Variants in RRAS2 observed in about 807,000 individuals in gnomAD.
RRAS2 encodes the protein ras-related protein R-Ras2.
Under a neutral mutation model 27.6 loss-of-function variants are expected in RRAS2, and 7 were observed. That is an observed-to-expected ratio of 0.25 (90% CI 0.14 to 0.48). The LOEUF (loss-of-function observed/expected upper bound fraction) is 0.48, where lower values mean the gene tolerates loss of function less well. Ranked by LOEUF, RRAS2 falls within the 20% of genes least tolerant of loss-of-function variation. RRAS2 has a pLI of 0.99. For synonymous variants in RRAS2, 86 were observed against 90.9 expected, an observed-to-expected ratio of 0.95 and a Z score of 0.31; for missense variants, 178 against 256.2, an observed-to-expected ratio of 0.69 and a Z score of 2.08.
intron 1 of RRAS2, among the ~76,000 whole-genome samples, chr11:14,310,073 A>G (rs1207349571): frequency 6.6e-6 from 1 of 152,194 alleles, no homozygotes; most frequent in African/African-American, 2.4e-5. Flanking sequence ...CTTCCAAAGG[A>G]GGGCCAACAG....
chr11:14,327,401 C>A (rs1385373911), intron 1 of RRAS2, among the ~76,000 whole-genome samples: 2 of 152,122 alleles, frequency 1.3e-5, no homozygotes, highest in Non-Finnish European at 2.9e-5. Context: ...GGGAAAAAAT[C>A]TTTCTACTTA....
In RRAS2 at chr11:14,295,748, A is replaced by G. The variant is rs782656684; in HGVS notation, c.196+20T>C. 5 of 1,568,768 alleles carry G rather than the reference A, an allele frequency of 3.2e-6. No homozygotes were observed. The highest frequency in any genetic ancestry group is 1.9e-5 in the Admixed American group (1 of 53,946). On this transcript the variant is annotated intron_variant, in intron 2 of 5. Coordinates refer to ENST00000256196, the MANE Select transcript of RRAS2 (RefSeq NM_012250.6). ...AAAAAATATGATATGCAAATTATCA[A>G]ACAAAGGAAGTTTACTTACTATCTA... is the stretch of plus-strand genomic sequence containing the variant.
At chr11:14,281,505 A>T in intron 5 of RRAS2, 97 bp downstream of exon 5, 1 of 904,454 alleles carries the variant, frequency 1.1e-6, no homozygotes, top group Non-Finnish European at 1.6e-6. Flanking sequence ...CATGTGCATT[A>T]ATCCCTAGAA....
intron 2 of RRAS2, 21 bp from the exon 3 acceptor site, chr11:14,294,883 G>A (rs1554946369): frequency 6.3e-7 from 1 of 1,599,460 alleles, no homozygotes; most frequent in Admixed American, 1.7e-5. Context: ...AACAACAAAT[G>A]TAATTATACT....
chr11:14,308,818 T>C (rs1000600461), intron 1 of RRAS2, among the ~76,000 whole-genome samples: 1 of 152,196 alleles, frequency 6.6e-6, no homozygotes, highest in Non-Finnish European at 1.5e-5. Context: ...CTTCAGGTGC[T>C]ATGAAGTAAA....
At chr11:14,320,197 A>G (rs1203696549) in intron 1 of RRAS2, among the ~76,000 whole-genome samples, 5 of 152,206 alleles carry the variant, frequency 3.3e-5, no homozygotes, top group Non-Finnish European at 2.9e-5. Context: ...GTTCTAATGC[A>G]CGGTGCTGAT....
At position 14,318,503 on chromosome 11, in the gene RRAS2, AAAAC is replaced by A. The variant is rs1245685565; in HGVS notation, c.109-22652_109-22649del. Among the ~76,000 whole-genome samples, 26 of 152,148 alleles carry A rather than the reference AAAAC, an allele frequency of 1.7e-4. 1 individual carries two copies. In the South Asian group the frequency reaches 2.7e-3, roughly 16 times the overall value. On this transcript the variant is annotated intron_variant, in intron 1 of 5. Transcript: ENST00000256196. ...GGGTGACAGAGAGAGAATCTGTCTC[AAAAC>A]AAACAAACAAACAAAAAAAAAAACC...
chr11:14,323,123 T>C (rs1218274043), intron 1 of RRAS2, among the ~76,000 whole-genome samples: 2 of 152,054 alleles, frequency 1.3e-5, no homozygotes, highest in African/African-American at 4.8e-5. Context: ...GACATACGCC[T>C]AGAAAAATAC....
intron 4 of RRAS2, among the ~76,000 whole-genome samples, chr11:14,282,225 A>G (rs550028973): frequency 6.6e-6 from 1 of 152,344 alleles, no homozygotes; most frequent in African/African-American, 2.4e-5. Context: ...GGAATACATT[A>G]AGCAAAGAGA....
intron 1 of RRAS2, among the ~76,000 whole-genome samples, chr11:14,336,461 C>G (rs1441369482): frequency 1.3e-5 from 2 of 151,844 alleles, no homozygotes; most frequent in African/African-American, 2.4e-5. Flanking sequence ...AAGGCAGTCT[C>G]CATAAAAATG....
intron 1 of RRAS2, among the ~76,000 whole-genome samples, chr11:14,315,640 G>A (rs868953937): frequency 1.8e-4 from 27 of 152,200 alleles, no homozygotes; most frequent in South Asian, 2.1e-4. Context: ...TGTACCATAC[G>A]TGTTAACAAT....
At chr11:14,318,871 T>C (rs1333869361) in intron 1 of RRAS2, among the ~76,000 whole-genome samples, 24 of 152,258 alleles carry the variant, frequency 1.6e-4, no homozygotes, top group Admixed American at 1.3e-3. Context: ...CATATCTGTA[T>C]ACTTTGACTC....
At chr11:14,339,301 G>C (rs1288510974) in intron 1 of RRAS2, among the ~76,000 whole-genome samples, 1 of 128,296 alleles carries the variant, frequency 7.8e-6, no homozygotes, top group Non-Finnish European at 1.6e-5. Flanking sequence ...AAAGGGGGGG[G>C]GGGGAAGAAA....
chr11:14,307,735 GATTC>G (rs1429598978), intron 1 of RRAS2, among the ~76,000 whole-genome samples: 3 of 152,000 alleles, frequency 2.0e-5, no homozygotes, highest in African/African-American at 7.2e-5. Flanking sequence ...TAAAATAAGT[GATTC>G]ATTATTTTTT....
intron 5 of RRAS2, among the ~76,000 whole-genome samples, chr11:14,279,799 A>T (rs1849472499): frequency 1.3e-5 from 2 of 152,210 alleles, no homozygotes; most frequent in African/African-American, 4.8e-5. Flanking sequence ...GTGTTCTGCC[A>T]TTTTTTAAAT....
At chr11:14,338,090 A>C (rs1848623520) in intron 1 of RRAS2, among the ~76,000 whole-genome samples, 1 of 152,204 alleles carries the variant, frequency 6.6e-6, no homozygotes, top group African/African-American at 2.4e-5. Context: ...TTATATTATA[A>C]ACAGGAAAAT....
At chr11:14,335,102 T>C (rs781978361) in intron 1 of RRAS2, among the ~76,000 whole-genome samples, 6 of 152,268 alleles carry the variant, frequency 3.9e-5, no homozygotes, top group Admixed American at 6.5e-5. Flanking sequence ...AAGCCATTCC[T>C]GAAACTGTCT....
intron 1 of RRAS2, among the ~76,000 whole-genome samples, chr11:14,333,138 A>G (rs566472872): frequency 4.7e-4 from 72 of 152,290 alleles, no homozygotes; most frequent in African/African-American, 1.7e-3. Flanking sequence ...GTCATCATAT[A>G]TATTTCTTAA....
At chr11:14,351,776 T>A (rs1848958127) in intron 1 of RRAS2, among the ~76,000 whole-genome samples, 2 of 150,198 alleles carry the variant, frequency 1.3e-5, no homozygotes, top group Admixed American at 1.3e-4. Flanking sequence ...GCGCCTGTAA[T>A]CTCAGCTACT....
Sources: allele counts gnomAD v4.1 joint callset (sites outside exome capture counted in the v4.1 genomes callset), GRCh38; gene constraint gnomAD v4.1.1; transcripts MANE v1.5; gene names NCBI Gene and HGNC (gene_info 2026-07-23, HGNC 2026-07-21).